The following FBXL13 variants were observed in gnomAD, a reference collection of about 807,000 sequenced individuals.
FBXL13 encodes F-box and leucine rich repeat protein 13.
In FBXL13, 67 loss-of-function variants were observed where a neutral mutation model predicts 83.6. The observed-to-expected ratio is 0.80, with a 90% CI of 0.66 to 0.98. The LOEUF (loss-of-function observed/expected upper bound fraction) is 0.98, where lower values mean the gene tolerates loss of function less well. FBXL13 is among the 50% of genes least tolerant of loss of function. The pLI is 0.00. For synonymous variants in FBXL13, 272 were observed against 299.5 expected (o/e 0.91, Z 0.95); for missense variants, 822 against 866.5 (o/e 0.95, Z 0.64).
intron 8 of FBXL13, among the ~76,000 whole-genome samples, chr7:102,932,159 G>A (rs977181739): frequency 2.0e-5 from 3 of 152,140 alleles, no homozygotes; most frequent in Admixed American, 6.5e-5. Context: ...ATAGGAGTAA[G>A]GGGAAAAGAG....
chr7:102,872,553 A>G (rs1808665056), intron 16 of FBXL13, among the ~76,000 whole-genome samples: 1 of 152,216 alleles, frequency 6.6e-6, no homozygotes, highest in African/African-American at 2.4e-5. Context: ...CCTTTAAACA[A>G]CAAATATGGC....
chr7:103,028,186 G>C (rs1199262363), intron 4 of FBXL13, among the ~76,000 whole-genome samples: 1 of 152,152 alleles, frequency 6.6e-6, no homozygotes, highest in African/African-American at 2.4e-5. Context: ...AAGGTCTTAA[G>C]AGAAGATAAT....
At chr7:102,928,149 A>G (rs1006482627) in intron 9 of FBXL13, among the ~76,000 whole-genome samples, 2 of 152,202 alleles carry the variant, frequency 1.3e-5, no homozygotes, top group Non-Finnish European at 2.9e-5. Flanking sequence ...GGACATCCAA[A>G]CAAAATTAGA....
chr7:103,043,298 G>T (rs1795933806), intron 2 of FBXL13, among the ~76,000 whole-genome samples: 1 of 152,166 alleles, frequency 6.6e-6, no homozygotes, highest in South Asian at 2.1e-4. Flanking sequence ...TTAGAATGGA[G>T]ATCATTAAGA....
chr7:102,884,254 G>C, exon 12 of FBXL13: 1 of 1,613,784 alleles, frequency 6.2e-7, no homozygotes, highest in Non-Finnish European at 8.5e-7. Context: ...GTCATTAATG[G>C]TAAGATGCAT....
intron 2 of FBXL13, among the ~76,000 whole-genome samples, chr7:103,052,074 G>C (rs971699569): frequency 6.6e-6 from 1 of 152,198 alleles, no homozygotes; most frequent in East Asian, 1.9e-4. Context: ...ACTGTGTAGT[G>C]TAAGACTGAA....
intron 8 of FBXL13, among the ~76,000 whole-genome samples, chr7:102,958,026 C>T (rs192321529): frequency 1.6e-4 from 25 of 152,184 alleles, no homozygotes; most frequent in African/African-American, 6.0e-4. Context: ...CCCAGCAATC[C>T]CATTACTGGG....
At chr7:102,913,185 C>T (rs1435047120) in exon 11 of FBXL13, 2 of 1,614,072 alleles carry the variant, frequency 1.2e-6, no homozygotes, top group Admixed American at 1.7e-5. Context: ...TGCAATAAGC[C>T]AAACTAAGAT....
chr7:102,900,202 C>A (rs1472638778), intron 11 of FBXL13, among the ~76,000 whole-genome samples: 1 of 152,060 alleles, frequency 6.6e-6, no homozygotes, highest in Non-Finnish European at 1.5e-5. Context: ...CATATAAATA[C>A]ATTTTTCCTG....
intron 6 of FBXL13, among the ~76,000 whole-genome samples, chr7:103,021,064 GC>G (rs1457991479): frequency 1.3e-5 from 2 of 152,126 alleles, no homozygotes; most frequent in African/African-American, 2.4e-5. Flanking sequence ...GAGGCATCAT[GC>G]TACCTGACTT....
intron 8 of FBXL13, chr7:102,944,109 G>A (rs1821996715): frequency 2.2e-6 from 2 of 908,584 alleles, no homozygotes; most frequent in African/African-American, 1.7e-5. Flanking sequence ...TTTCAAAGGG[G>A]AAAATTAAGC....
chr7:102,890,880 C>T (rs1811455616), intron 11 of FBXL13, among the ~76,000 whole-genome samples: 1 of 152,208 alleles, frequency 6.6e-6, no homozygotes, highest in South Asian at 2.1e-4. Flanking sequence ...CCACCTCCAG[C>T]TGTTTCTCAC....
intron 2 of FBXL13, among the ~76,000 whole-genome samples, chr7:103,033,437 C>T (rs377034129): frequency 6.6e-6 from 1 of 152,216 alleles, no homozygotes; most frequent in Admixed American, 6.5e-5. Context: ...CGCGGACCCT[C>T]GCGGTGAGTG....
intron 6 of FBXL13, among the ~76,000 whole-genome samples, chr7:102,984,267 T>C (rs927120134): frequency 2.6e-5 from 4 of 152,218 alleles, no homozygotes; most frequent in Non-Finnish European, 4.4e-5. Context: ...TCTGTTCCTA[T>C]AGAACCACCC....
intron 6 of FBXL13, chr7:102,973,210 T>C (rs1826948428): frequency 4.2e-6 from 1 of 236,388 alleles, no homozygotes; most frequent in African/African-American, 2.3e-5. Flanking sequence ...ATTTTGTTTT[T>C]GAAAGATTCT....
At chr7:102,851,925 A>T (rs1396616895) in intron 17 of FBXL13, among the ~76,000 whole-genome samples, 6 of 152,156 alleles carry the variant, frequency 3.9e-5, no homozygotes, top group Non-Finnish European at 5.9e-5. Context: ...ATCCTAGCCA[A>T]TTACTTATCT....
At chr7:102,924,447 G>GGAA (rs1054781413) in intron 10 of FBXL13, among the ~76,000 whole-genome samples, 20 of 152,074 alleles carry the variant, frequency 1.3e-4, no homozygotes, top group African/African-American at 4.6e-4. Flanking sequence ...CCTGGCAGGA[G>GGAA]GAAGACTGTG....
At chr7:102,940,187 C>T (rs1241685325) in intron 8 of FBXL13, among the ~76,000 whole-genome samples, 1 of 151,024 alleles carries the variant, frequency 6.6e-6, no homozygotes, top group Non-Finnish European at 1.5e-5. Flanking sequence ...AGCCACCGCG[C>T]CTGGCCAAAT....
chr7:102,869,368 G>A (rs1319926015), intron 16 of FBXL13, among the ~76,000 whole-genome samples: 5 of 152,234 alleles, frequency 3.3e-5, no homozygotes, highest in African/African-American at 1.2e-4. Context: ...GTATACTCTG[G>A]ATATTGAACC....
Sources: allele counts gnomAD v4.1 joint callset (sites outside exome capture counted in the v4.1 genomes callset), GRCh38; gene constraint gnomAD v4.1.1; transcripts MANE v1.5; gene names NCBI Gene and HGNC (gene_info 2026-07-23, HGNC 2026-07-21).